The following HMG20A variants were observed in gnomAD, a reference collection of about 807,000 sequenced individuals.
HMG20A encodes the protein high mobility group 20A.
Under a neutral mutation model 43.9 loss-of-function variants are expected in HMG20A, and 17 were observed. The observed-to-expected ratio is 0.39, with a 90% CI of 0.27 to 0.58. The LOEUF (loss-of-function observed/expected upper bound fraction) is 0.58. Among genes scored for constraint, HMG20A ranks in the 20% least tolerant of loss-of-function variants. The pLI is 0.59. For synonymous variants in HMG20A, 132 were observed against 147.5 expected (o/e 0.89, Z 0.76); for missense variants, 341 against 438.2 (o/e 0.78, Z 1.98).
rs148480353 is a variant in HMG20A, at chr15:77,467,207, G to A, written c.350G>A (p.Arg117His). 20 of 1,613,984 alleles carry A rather than the reference G, an allele frequency of 1.2e-5. No individual in the cohort carries two copies. The highest frequency in any genetic ancestry group is 1.6e-4 in the Middle Eastern group (1 of 6,084). The change falls in exon 4 of 10, where the codon CGT (arginine) becomes CAT (histidine). Residue 117 changes from arginine to histidine, a missense_variant. Arg to His is a conservative substitution (Grantham distance 29). Coordinates refer to ENST00000336216, the MANE Select transcript of HMG20A (RefSeq NM_001304504.2). ...GGATATGTTCGGTTCATGAATGAGC[G>A]TCGAGAACAACTTCGAGCAAAGAGA... ...LTGYVRFMNE[R>H]REQLRAKRPE...
rs151073662 is a variant in HMG20A at position 77,464,823 on chromosome 15, G to A, written c.237+436G>A. 1.4e-3 allele frequency: 220 copies of A among 154,438 alleles called. 2 individuals are homozygous for A. The highest frequency in any genetic ancestry group is 5.0e-3 in the African/African-American group (209 of 41,552). The allele number at this position is 154,438 out of a possible 1,614,324, so 9.6% of individuals were successfully genotyped here. On this transcript the variant is annotated intron_variant, in intron 3 of 9. Transcript: ENST00000336216. ...AACTTTCCTTAACTCACACAAAGGCGTATGAGCCTGGGCAGTCATGCCCTT... is the reference window on the plus strand; with the variant it reads ...AACTTTCCTTAACTCACACAAAGGCATATGAGCCTGGGCAGTCATGCCCTT...
chr15:77,455,391 A>G (rs1245326221), intron 1 of HMG20A, among the ~76,000 whole-genome samples: 1 of 151,208 alleles, frequency 6.6e-6, no homozygotes, highest in Non-Finnish European at 1.5e-5. Context: ...TATAATCATC[A>G]TTAAAATATT....
At position 77,464,383 on chromosome 15, in the gene HMG20A, A is replaced by T; in HGVS notation, c.233A>T (p.Asp78Val). The change falls in exon 3 of 10, where the codon GAT becomes GTT. Residue 78 changes from aspartate to valine, a missense_variant. By Grantham distance (152) the Asp-to-Val change is radical. This residue lies in a region of HMG20A where 220 missense variants were observed against 263.6 expected (regional missense o/e 0.83). Transcript: ENST00000336216. ...AAEGNEQRHE[D>V]EQRSKRGGWS... ...GAAGGCAATGAACAGAGGCATGAAG[A>T]TGAGGTAAGCTGAAGTATCTCCTTC... 1 of 1,613,468 alleles carries T rather than the reference A, an allele frequency of 6.2e-7. No homozygotes were observed. The highest frequency in any genetic ancestry group is 1.1e-5 in the South Asian group (1 of 91,024).
intron 2 of HMG20A, among the ~76,000 whole-genome samples, chr15:77,460,198 TA>T (rs2072692693): frequency 6.6e-6 from 1 of 152,078 alleles, no homozygotes; most frequent in African/African-American, 2.4e-5. Flanking sequence ...ATAGTGGGGG[TA>T]AAAACCTCAT....
At chr15:77,427,976 G>A (rs2073443362) in intron 1 of HMG20A, among the ~76,000 whole-genome samples, 1 of 152,204 alleles carries the variant, frequency 6.6e-6, no homozygotes, top group African/African-American at 2.4e-5. Context: ...TAAGGCCAGT[G>A]TTTATTCTCA....
chr15:77,465,984 A>C (rs907001794), intron 3 of HMG20A, among the ~76,000 whole-genome samples: 3 of 152,242 alleles, frequency 2.0e-5, no homozygotes, highest in Non-Finnish European at 4.4e-5. Flanking sequence ...GTGGTGAAAC[A>C]TCAGTGGTAC....
chr15:77,456,182 G>A (rs1419432048), intron 1 of HMG20A, among the ~76,000 whole-genome samples: 1 of 152,128 alleles, frequency 6.6e-6, no homozygotes, highest in Non-Finnish European at 1.5e-5. Flanking sequence ...TTATCCAGCT[G>A]CCTCCCCACG....
chr15:77,505,790 T>C, the HMG20A span, among the ~76,000 whole-genome samples: 21 of 152,338 alleles, frequency 1.4e-4, no homozygotes, highest in African/African-American at 5.1e-4. Flanking sequence ...GATTCACCGG[T>C]GTGCAAGCTC....
At chr15:77,503,914 G>GT in the HMG20A span, among the ~76,000 whole-genome samples, 1 of 152,144 alleles carries the variant, frequency 6.6e-6, no homozygotes, top group Non-Finnish European at 1.5e-5. Context: ...AGCTGCACAT[G>GT]GCAGCTGTAC....
chr15:77,473,285 G>A (rs1245447035), intron 6 of HMG20A, among the ~76,000 whole-genome samples: 1 of 152,172 alleles, frequency 6.6e-6, no homozygotes, highest in Non-Finnish European at 1.5e-5. Context: ...GAGAAACTTT[G>A]TATGTATTCT....
At chr15:77,516,203 A>G in the HMG20A span, among the ~76,000 whole-genome samples, 1 of 152,184 alleles carries the variant, frequency 6.6e-6, no homozygotes, top group African/African-American at 2.4e-5. Flanking sequence ...CCGTGGCAAA[A>G]CAAGAAGCAC....
At chr15:77,437,092 C>T (rs1260766160) in intron 1 of HMG20A, among the ~76,000 whole-genome samples, 1 of 152,210 alleles carries the variant, frequency 6.6e-6, no homozygotes. Context: ...TAACATTTAG[C>T]TCTCAGGTTA....
intron 3 of HMG20A, among the ~76,000 whole-genome samples, chr15:77,465,361 T>C (rs2142337345): frequency 6.6e-6 from 1 of 151,290 alleles, no homozygotes; most frequent in East Asian, 1.9e-4. Flanking sequence ...GCTTAAAGTT[T>C]CTTAAATACC....
intron 7 of HMG20A, 34 bp downstream of exon 7, chr15:77,477,664 A>G (rs762679993): frequency 1.4e-6 from 2 of 1,442,636 alleles, no homozygotes; most frequent in Non-Finnish European, 1.9e-6. Context: ...TGTTTCTCAG[A>G]TTTTTGACAG....
chr15:77,464,443 C>G (rs893112485), intron 3 of HMG20A, 56 bp downstream of exon 3: 1 of 1,575,490 alleles, frequency 6.3e-7, no homozygotes, highest in African/African-American at 1.3e-5. Flanking sequence ...AAGAAGCAGT[C>G]ACAAGGAAGG....
At chr15:77,516,333 G>C in the HMG20A span, among the ~76,000 whole-genome samples, 4 of 152,054 alleles carry the variant, frequency 2.6e-5, no homozygotes, top group African/African-American at 9.7e-5. Flanking sequence ...ATTTGAGCCG[G>C]GTGCAGTGAC....
At chr15:77,455,010 A>C (rs1284954509) in intron 1 of HMG20A, among the ~76,000 whole-genome samples, 1 of 152,004 alleles carries the variant, frequency 6.6e-6, no homozygotes. Flanking sequence ...GGAGTGGTGC[A>C]GAAGGAATAT....
the HMG20A span, among the ~76,000 whole-genome samples, chr15:77,507,411 C>T: frequency 6.6e-6 from 1 of 152,240 alleles, no homozygotes; most frequent in Non-Finnish European, 1.5e-5. Flanking sequence ...GTGCCTCCCT[C>T]CGCTGTGCCT....
At chr15:77,499,668 T>C in the HMG20A span, among the ~76,000 whole-genome samples, 1 of 152,182 alleles carries the variant, frequency 6.6e-6, no homozygotes, top group South Asian at 2.1e-4. Context: ...TTGTTTTTCC[T>C]CTTTTTTGCT....
Sources: allele counts gnomAD v4.1 joint callset (sites outside exome capture counted in the v4.1 genomes callset), GRCh38; gene constraint gnomAD v4.1.1; regional missense constraint gnomAD v4.1.1; transcripts MANE v1.5; gene names NCBI Gene and HGNC (gene_info 2026-07-23, HGNC 2026-07-21).